MYO16: variants seen among roughly 807,000 people sequenced by gnomAD.
MYO16 encodes myosin XVI.
MYO16 carries 94 observed loss-of-function variants against 205.3 expected under a neutral mutation model. That is an observed-to-expected ratio of 0.46 (90% CI 0.39 to 0.54). MYO16 has a LOEUF of 0.54. Among genes scored for constraint, MYO16 ranks in the 20% least tolerant of loss-of-function variants. The probability of loss-of-function intolerance (pLI) is 0.00; values close to 1 mark genes in which losing one functional copy is unlikely to be tolerated. For synonymous variants in MYO16, 988 were observed against 954.0 expected (o/e 1.04, Z -0.66); for missense variants, 2,315 against 2,387.5 (o/e 0.97, Z 0.63).
the MYO16 span, among the ~76,000 whole-genome samples, chr13:108,561,153 T>G: frequency 2.6e-5 from 4 of 152,216 alleles, no homozygotes. Context: ...GAAATGCCTC[T>G]CTCAGATATT....
intron 5 of MYO16, among the ~76,000 whole-genome samples, chr13:108,787,568 G>T (rs1886496875): frequency 6.6e-6 from 1 of 152,214 alleles, no homozygotes; most frequent in Non-Finnish European, 1.5e-5. Context: ...TGCAAGATCA[G>T]TGTTTTATAT....
At chr13:109,066,841 C>G (rs1254557703) in intron 27 of MYO16, among the ~76,000 whole-genome samples, 2 of 152,126 alleles carry the variant, frequency 1.3e-5, no homozygotes, top group Non-Finnish European at 2.9e-5. Context: ...TCTACTCGCA[C>G]TCAGCTTCTT....
chr13:108,901,352 C>T (rs1311797600), intron 15 of MYO16, among the ~76,000 whole-genome samples: 2 of 152,144 alleles, frequency 1.3e-5, no homozygotes, highest in Non-Finnish European at 2.9e-5. Context: ...AACCTGCTGA[C>T]ATGTGATGTC....
At chr13:108,925,101 G>C (rs551256913) in intron 16 of MYO16, among the ~76,000 whole-genome samples, 1 of 152,070 alleles carries the variant, frequency 6.6e-6, no homozygotes, top group Admixed American at 6.6e-5. Flanking sequence ...ATCATCCAGA[G>C]GCACCCAGAG....
the MYO16 span, among the ~76,000 whole-genome samples, chr13:108,587,267 TG>T: frequency 1.3e-5 from 2 of 152,258 alleles, no homozygotes; most frequent in South Asian, 4.1e-4. Context: ...CCAGATGCAG[TG>T]ATTTGGTGGG....
intron 15 of MYO16, among the ~76,000 whole-genome samples, chr13:108,898,779 T>A (rs968369861): frequency 6.6e-6 from 1 of 152,186 alleles, no homozygotes; most frequent in African/African-American, 2.4e-5. Context: ...TATTTAAAAT[T>A]CAACTAATTT....
chr13:109,007,486 G>T (rs1270815859), intron 21 of MYO16, among the ~76,000 whole-genome samples: 4 of 151,478 alleles, frequency 2.6e-5, no homozygotes, highest in Non-Finnish European at 4.4e-5. Context: ...TATTAGAGTG[G>T]TTTCAAGAGG....
the MYO16 span, among the ~76,000 whole-genome samples, chr13:108,574,205 G>T: frequency 1.6e-4 from 25 of 152,278 alleles, no homozygotes; most frequent in East Asian, 1.5e-3. Context: ...TCAACAGCTG[G>T]CTGGGCTTGC....
intron 23 of MYO16, among the ~76,000 whole-genome samples, chr13:109,044,719 A>G (rs1886985501): frequency 6.6e-6 from 1 of 152,144 alleles, no homozygotes; most frequent in African/African-American, 2.4e-5. Flanking sequence ...TTATACTTCA[A>G]ATAACTTGTT....
chr13:108,937,931 T>C (rs566644172), intron 16 of MYO16, among the ~76,000 whole-genome samples: 1 of 152,352 alleles, frequency 6.6e-6, no homozygotes, highest in Non-Finnish European at 1.5e-5. Flanking sequence ...AATGCAATCC[T>C]TTGGTGGTGT....
intron 30 of MYO16, among the ~76,000 whole-genome samples, chr13:109,126,774 GAGA>G (rs1876271179): frequency 1.3e-5 from 2 of 152,180 alleles, no homozygotes; most frequent in South Asian, 4.1e-4. Flanking sequence ...GAGTAATGGG[GAGA>G]AGGAGAACAC....
intron 25 of MYO16, 46 bp from the exon 26 acceptor site, chr13:109,054,999 CT>C: frequency 7.9e-7 from 1 of 1,263,036 alleles, no homozygotes; most frequent in Admixed American, 2.3e-5. Context: ...CTTTCCTTTC[CT>C]TTCCTTTCTT....
chr13:108,747,753 A>T (rs1885111527), intron 4 of MYO16, among the ~76,000 whole-genome samples: 2 of 152,154 alleles, frequency 1.3e-5, no homozygotes. Context: ...ACTGATACAT[A>T]TATATGATCC....
intron 14 of MYO16, among the ~76,000 whole-genome samples, chr13:108,889,360 TA>T (rs1178351439): frequency 6.6e-6 from 1 of 152,180 alleles, no homozygotes; most frequent in Non-Finnish European, 1.5e-5. Context: ...AAGATAAAGC[TA>T]AAAACATCCC....
At chr13:108,680,731 T>C (rs1177874805) in intron 2 of MYO16, among the ~76,000 whole-genome samples, 1 of 152,170 alleles carries the variant, frequency 6.6e-6, no homozygotes, top group Non-Finnish European at 1.5e-5. Context: ...CTTCATTGCA[T>C]ATCTCCTCTC....
intron 20 of MYO16, among the ~76,000 whole-genome samples, chr13:108,986,149 TC>T (rs1462745833): frequency 6.6e-6 from 1 of 152,048 alleles, no homozygotes; most frequent in Non-Finnish European, 1.5e-5. Flanking sequence ...GAAAAATCTG[TC>T]CCCATGATTC....
At chr13:108,605,638 G>A (rs1484127233) in intron 1 of MYO16, among the ~76,000 whole-genome samples, 1 of 152,168 alleles carries the variant, frequency 6.6e-6, no homozygotes, top group Non-Finnish European at 1.5e-5. Flanking sequence ...CTTCTGCCAT[G>A]ATGGTAAGTT....
At chr13:108,763,035 A>G (rs926004906) in intron 4 of MYO16, among the ~76,000 whole-genome samples, 3 of 152,248 alleles carry the variant, frequency 2.0e-5, no homozygotes, top group African/African-American at 7.2e-5. Context: ...AATTCAGGAC[A>G]ATACTGGAAA....
At chr13:109,044,247 A>T (rs1886969954) in intron 23 of MYO16, among the ~76,000 whole-genome samples, 1 of 152,174 alleles carries the variant, frequency 6.6e-6, no homozygotes, top group African/African-American at 2.4e-5. Context: ...CCGTTGCTTT[A>T]GAAACTATGG....
Sources: gnomAD v4.1 joint callset for allele counts (sites outside exome capture counted in the v4.1 genomes callset) on GRCh38, gnomAD v4.1.1 for gene constraint, MANE v1.5 for transcripts, NCBI Gene and HGNC (gene_info 2026-07-23, HGNC 2026-07-21) for gene names.